The following CADM2 variants were observed in gnomAD, a reference collection of about 807,000 sequenced individuals.
CADM2 encodes the protein immunoglobulin superfamily member 4D.
CADM2 carries 12 observed loss-of-function variants against 49.8 expected under a neutral mutation model. The ratio of observed to expected loss-of-function variants is 0.24; its 90% CI spans 0.15 to 0.39. CADM2 has a LOEUF of 0.39. CADM2 is among the 10% of genes least tolerant of loss of function. CADM2 has a pLI of 1.00. For missense variants in CADM2, 378 were observed against 492.3 expected (o/e 0.77, Z 2.20); for synonymous variants, 214 against 175.4 (o/e 1.22, Z -1.74).
At chr3:85,814,250 T>C (rs1046497007) in intron 3 of CADM2, among the ~76,000 whole-genome samples, 1 of 152,134 alleles carries the variant, frequency 6.6e-6, no homozygotes, top group African/African-American at 2.4e-5. Flanking sequence ...CTTGAAGAGG[T>C]CCTTCATATA....
At chr3:85,885,794 G>A (rs920880838) in intron 4 of CADM2, among the ~76,000 whole-genome samples, 9 of 144,694 alleles carry the variant, frequency 6.2e-5, no homozygotes, top group Non-Finnish European at 1.3e-4. Context: ...AAAGGTTGCA[G>A]TGAGCCGAGA....
intron 2 of CADM2, among the ~76,000 whole-genome samples, chr3:85,731,051 T>C (rs1004383524): frequency 3.3e-5 from 5 of 152,146 alleles, no homozygotes; most frequent in Non-Finnish European, 4.4e-5. Flanking sequence ...TATTTCAATT[T>C]GCTGAGTTTG....
chr3:85,778,779 C>T (rs2070485176), intron 2 of CADM2, among the ~76,000 whole-genome samples: 1 of 152,122 alleles, frequency 6.6e-6, no homozygotes, highest in East Asian at 1.9e-4. Flanking sequence ...ACTTGTCACC[C>T]TCTCACTTAG....
chr3:85,438,540 G>A (rs2037039636), intron 1 of CADM2, among the ~76,000 whole-genome samples: 1 of 152,064 alleles, frequency 6.6e-6, no homozygotes, highest in African/African-American at 2.4e-5. Context: ...TAAGTGTTTG[G>A]TACCATATTT....
chr3:85,347,558 C>CATATATATAT (rs2030828670), intron 1 of CADM2, among the ~76,000 whole-genome samples: 37 of 142,208 alleles, frequency 2.6e-4, no homozygotes, highest in African/African-American at 9.5e-4. Context: ...TATATATACA[C>CATATATATAT]ACATATATAT....
intron 1 of CADM2, among the ~76,000 whole-genome samples, chr3:85,459,209 A>C (rs978053471): frequency 2.6e-5 from 4 of 152,186 alleles, no homozygotes; most frequent in African/African-American, 7.2e-5. Context: ...TTTCTCTTAC[A>C]GGGGCAAGAT....
intron 5 of CADM2, among the ~76,000 whole-genome samples, chr3:85,896,391 T>A (rs1219327906): frequency 6.6e-6 from 1 of 152,184 alleles, no homozygotes; most frequent in Non-Finnish European, 1.5e-5. Context: ...AGGAAAGAGA[T>A]TTTGAATATA....
chr3:85,509,482 A>C (rs2040513313), intron 1 of CADM2, among the ~76,000 whole-genome samples: 1 of 152,132 alleles, frequency 6.6e-6, no homozygotes. Flanking sequence ...ACTGCATTTC[A>C]GAAAAATAGG....
At chr3:85,915,053 T>G (rs1479349474) in intron 6 of CADM2, among the ~76,000 whole-genome samples, 1 of 152,140 alleles carries the variant, frequency 6.6e-6, no homozygotes, top group Non-Finnish European at 1.5e-5. Context: ...TTGATTACTC[T>G]ACACATTCTG....
intron 3 of CADM2, among the ~76,000 whole-genome samples, chr3:85,881,504 T>C (rs895252861): frequency 6.6e-6 from 1 of 152,196 alleles, no homozygotes; most frequent in African/African-American, 2.4e-5. Flanking sequence ...GGATGCTAAT[T>C]AGATTTATTC....
chr3:85,644,214 G>C (rs2064817899), intron 1 of CADM2, among the ~76,000 whole-genome samples: 1 of 152,106 alleles, frequency 6.6e-6, no homozygotes. Context: ...TGCTGTATCT[G>C]TACATAGATT....
intron 1 of CADM2, among the ~76,000 whole-genome samples, chr3:85,536,487 T>A (rs1025274874): frequency 6.6e-6 from 1 of 151,964 alleles, no homozygotes. Flanking sequence ...TTGTTTTAAA[T>A]AAAAAATGAC....
intron 3 of CADM2, among the ~76,000 whole-genome samples, chr3:85,826,992 C>T (rs181628956): frequency 6.6e-6 from 1 of 151,790 alleles, no homozygotes; most frequent in African/African-American, 2.4e-5. Flanking sequence ...TCTTTGTGAT[C>T]CAGAAATTAT....
intron 1 of CADM2, among the ~76,000 whole-genome samples, chr3:85,683,013 A>G (rs1381921963): frequency 6.6e-6 from 1 of 152,152 alleles, no homozygotes; most frequent in African/African-American, 2.4e-5. Flanking sequence ...CCCCTTTATG[A>G]TTAAATAAAG....
At chr3:85,969,435 A>T (rs1368249408) in intron 8 of CADM2, among the ~76,000 whole-genome samples, 1 of 151,366 alleles carries the variant, frequency 6.6e-6, no homozygotes, top group African/African-American at 2.4e-5. Context: ...AGAAATGCTG[A>T]TCTTTGCAAG....
intron 3 of CADM2, among the ~76,000 whole-genome samples, chr3:85,832,391 G>A (rs2074223122): frequency 6.6e-6 from 1 of 151,918 alleles, no homozygotes; most frequent in Non-Finnish European, 1.5e-5. Flanking sequence ...CATTGAATCT[G>A]TTGGTTGATT....
chr3:85,036,443 ATAACT>A (rs1464646688), intron 1 of CADM2, among the ~76,000 whole-genome samples: 1 of 152,174 alleles, frequency 6.6e-6, no homozygotes, highest in Non-Finnish European at 1.5e-5. Context: ...AGACTTAAAA[ATAACT>A]TAAACTTAAG....
chr3:85,220,833 TA>T (rs768647723), intron 1 of CADM2, among the ~76,000 whole-genome samples: 15 of 151,998 alleles, frequency 9.9e-5, no homozygotes, highest in Non-Finnish European at 2.2e-4. Flanking sequence ...TGTTTTAAAA[TA>T]TTGCACACAT....
chr3:85,128,077 T>G (rs72907106), intron 1 of CADM2, among the ~76,000 whole-genome samples: 2 of 149,040 alleles, frequency 1.3e-5, no homozygotes, highest in East Asian at 1.9e-4. Flanking sequence ...TTTCCATTAT[T>G]GCAGAAAGTT....
Sources: allele counts gnomAD v4.1 joint callset (sites outside exome capture counted in the v4.1 genomes callset), GRCh38; gene constraint gnomAD v4.1.1; transcripts MANE v1.5; gene names NCBI Gene and HGNC (gene_info 2026-07-23, HGNC 2026-07-21).